Variants in DAB1 observed in about 807,000 individuals in gnomAD.
DAB1 encodes the protein DAB adaptor protein 1, also known as disabled homolog 1.
In DAB1, 15 loss-of-function variants were observed where a neutral mutation model predicts 64.6. That is an observed-to-expected ratio of 0.23 (90% CI 0.16 to 0.36). The LOEUF is 0.36. Among genes scored for constraint, DAB1 ranks in the 10% least tolerant of loss-of-function variants. The pLI, the probability that DAB1 is intolerant of heterozygous loss-of-function variation, is 1.00. For missense variants in DAB1, 596 were observed against 706.7 expected, an observed-to-expected ratio of 0.84 and a Z score of 1.78; for synonymous variants, 235 against 251.9, an observed-to-expected ratio of 0.93 and a Z score of 0.64.
At chr1:58,526,311 T>G (rs1271144975) in intron 2 of DAB1, among the ~76,000 whole-genome samples, 2 of 152,140 alleles carry the variant, frequency 1.3e-5, no homozygotes, top group Non-Finnish European at 2.9e-5. Context: ...TACCTTGATT[T>G]ATGAAATTAA....
At chr1:58,308,328 T>G (rs1015549055) in intron 4 of DAB1, among the ~76,000 whole-genome samples, 5 of 152,058 alleles carry the variant, frequency 3.3e-5, no homozygotes, top group African/African-American at 1.2e-4. Flanking sequence ...TGCTTGCTCT[T>G]CAGTGAGTCA....
At chr1:57,789,742 A>C (rs1354195072) in intron 6 of DAB1, among the ~76,000 whole-genome samples, 2 of 152,238 alleles carry the variant, frequency 1.3e-5, no homozygotes, top group Admixed American at 1.3e-4. Context: ...TTCAATTAAT[A>C]GCACAGCCTT....
In DAB1 at chr1:58,452,612, C is replaced by T. The variant is rs184133957; in HGVS notation, n.257+53448G>A. On this transcript the variant is annotated intron_variant and non_coding_transcript_variant, in intron 3 of 20. Coordinates refer to the DAB1 transcript ENST00000485760. ...ATCACCTGAGGTCAGGAGTTCAAGACCAGCCTGGCCAACGTGGTGAAACCC... is the reference window on the plus strand; with the variant it reads ...ATCACCTGAGGTCAGGAGTTCAAGATCAGCCTGGCCAACGTGGTGAAACCC... Among the ~76,000 whole-genome samples, 26 of 150,274 alleles carry T rather than the reference C, an allele frequency of 1.7e-4. 1 individual carries two copies. Among genetic ancestry groups the T allele is most frequent in the African/African-American group, 5.7e-4 (23 of 40,672 alleles).
intron 4 of DAB1, among the ~76,000 whole-genome samples, chr1:58,210,167 TC>T (rs2100290080): frequency 6.6e-6 from 1 of 152,308 alleles, no homozygotes; most frequent in Non-Finnish European, 1.5e-5. Context: ...CCTCAAGACG[TC>T]CGAGATTTAA....
chr1:58,014,175 T>A (rs1273461325), intron 5 of DAB1, among the ~76,000 whole-genome samples: 1 of 152,120 alleles, frequency 6.6e-6, no homozygotes, highest in African/African-American at 2.4e-5. Flanking sequence ...GAATTGGGAG[T>A]ACAAGGTTTT....
chr1:58,381,972 C>A (rs528061613), intron 3 of DAB1, among the ~76,000 whole-genome samples: 1 of 137,260 alleles, frequency 7.3e-6, no homozygotes, highest in Admixed American at 7.1e-5. Context: ...CTGAATGACA[C>A]CATGAAAGAA....
chr1:57,903,988 T>C (rs770267979), intron 5 of DAB1, among the ~76,000 whole-genome samples: 6 of 152,218 alleles, frequency 3.9e-5, no homozygotes, highest in Non-Finnish European at 7.3e-5. Flanking sequence ...CTGTCACATG[T>C]AGCTGAATTT....
intron 7 of DAB1, among the ~76,000 whole-genome samples, chr1:57,565,656 CA>C (rs1334017671): frequency 6.6e-6 from 1 of 152,088 alleles, no homozygotes; most frequent in East Asian, 1.9e-4. Context: ...TTTAAACCAA[CA>C]AAGATCAAAA....
intron 6 of DAB1, among the ~76,000 whole-genome samples, chr1:57,818,806 A>G (rs1230412818): frequency 1.3e-5 from 2 of 151,088 alleles, no homozygotes; most frequent in Admixed American, 1.3e-4. Context: ...GTGTATATAT[A>G]TACATATGGT....
chr1:57,566,403 G>C (rs1645120906), intron 7 of DAB1, among the ~76,000 whole-genome samples: 1 of 152,138 alleles, frequency 6.6e-6, no homozygotes, highest in African/African-American at 2.4e-5. Flanking sequence ...AAAGCCAGCA[G>C]AAGGCAAGAA....
At chr1:57,112,279 T>G (rs1021244985) in intron 4 of DAB1, among the ~76,000 whole-genome samples, 2 of 152,152 alleles carry the variant, frequency 1.3e-5, no homozygotes, top group Non-Finnish European at 2.9e-5. Flanking sequence ...TCAGAGTAAG[T>G]GCTGCAGTTA....
chr1:57,101,585 A>G (rs1163960786), intron 4 of DAB1, among the ~76,000 whole-genome samples: 1 of 152,230 alleles, frequency 6.6e-6, no homozygotes, highest in African/African-American at 2.4e-5. Context: ...ATTGAAATAA[A>G]AAGAAAGCTA....
At chr1:58,541,591 T>G (rs569047767) in intron 1 of DAB1, 2 of 96,460 alleles carry the variant, frequency 2.1e-5, no homozygotes, top group South Asian at 7.5e-4. Context: ...CACTCCGGCG[T>G]GGGCAACAGA....
intron 10 of DAB1, 76 bp downstream of exon 10, chr1:57,025,905 C>A: frequency 8.3e-7 from 1 of 1,211,440 alleles, no homozygotes; most frequent in Admixed American, 2.5e-5. Flanking sequence ...CACTCAAAGC[C>A]CATATTCTGG....
intron 3 of DAB1, among the ~76,000 whole-genome samples, chr1:58,494,923 A>G (rs1178254304): frequency 6.6e-6 from 1 of 152,228 alleles, no homozygotes; most frequent in African/African-American, 2.4e-5. Context: ...TACTGGGTAT[A>G]TACCTAAAGG....
intron 7 of DAB1, among the ~76,000 whole-genome samples, chr1:57,530,376 C>A (rs1644647975): frequency 6.6e-6 from 1 of 152,134 alleles, no homozygotes; most frequent in African/African-American, 2.4e-5. Flanking sequence ...AGTTCCATAT[C>A]ATTGTGTTGG....
At chr1:57,111,566 T>G (rs1176228434) in intron 4 of DAB1, among the ~76,000 whole-genome samples, 3 of 152,192 alleles carry the variant, frequency 2.0e-5, no homozygotes, top group Non-Finnish European at 2.9e-5. Flanking sequence ...TCTTCTAGAA[T>G]TCAACTCTCA....
chr1:58,128,587 G>C (rs1046172726), intron 5 of DAB1, among the ~76,000 whole-genome samples: 2 of 130,668 alleles, frequency 1.5e-5, no homozygotes, highest in Non-Finnish European at 1.6e-5. Flanking sequence ...GATATTGGCT[G>C]TGGGTTTGTC....
intron 1 of DAB1, among the ~76,000 whole-genome samples, chr1:57,871,706 T>A (rs1268863491): frequency 1.3e-5 from 2 of 152,190 alleles, no homozygotes; most frequent in African/African-American, 4.8e-5. Context: ...CTTCAAAAAG[T>A]AAAAATATGC....
Sources: allele counts gnomAD v4.1 joint callset (sites outside exome capture counted in the v4.1 genomes callset), GRCh38; gene constraint gnomAD v4.1.1; transcripts MANE v1.5; gene names NCBI Gene and HGNC (gene_info 2026-07-23, HGNC 2026-07-21).